VAV3: variants seen among roughly 807,000 people sequenced by gnomAD.
VAV3 encodes the protein guanine nucleotide exchange factor VAV3.
A neutral mutation model predicts 131.2 loss-of-function variants in VAV3; 94 were observed. The observed-to-expected ratio is 0.72, with a 90% CI of 0.61 to 0.85. VAV3 has a LOEUF of 0.85. Ranked by LOEUF, VAV3 falls within the 40% of genes least tolerant of loss-of-function variation. The pLI, the probability that VAV3 is intolerant of heterozygous loss-of-function variation, is 0.00. For synonymous variants in VAV3, 349 were observed against 342.0 expected, an observed-to-expected ratio of 1.02 and a Z score of -0.22; for missense variants, 939 against 1,002.7, an observed-to-expected ratio of 0.94 and a Z score of 0.86.
chr1:107,897,417 G>A (rs1557909571), intron 1 of VAV3: 1 of 151,736 alleles, frequency 6.6e-6, no homozygotes, highest in Non-Finnish European at 1.5e-5. Context: ...AAGAAGAGGT[G>A]AGTATCAGGA....
In VAV3 at chr1:107,768,457, A is replaced by G; in HGVS notation, c.701T>C (p.Val234Ala). The change falls in exon 7 of 27, where the codon GTA becomes GCA. Residue 234 changes from valine (V) to alanine (A), a missense_variant. Transcript: ENST00000370056. ...RFLTAAEFDS[V>A]FINIPELVKL... ...TTTACTCACAGGAATGTTGATGAAT[A>G]CTGAATCAAATTCTGCTGCTGTCAG... 6.2e-7 allele frequency: 1 copy of G among 1,612,324 alleles called. No individual in the cohort carries two copies. Among genetic ancestry groups the G allele is most frequent in the Non-Finnish European group, 8.5e-7 (1 of 1,179,186 alleles).
At chr1:107,613,878 A>G (rs2101183565) in intron 21 of VAV3, among the ~76,000 whole-genome samples, 1 of 152,220 alleles carries the variant, frequency 6.6e-6, no homozygotes, top group South Asian at 2.1e-4. Flanking sequence ...TTTATTTGAG[A>G]CGGAGTCTCG....
rs143605199 is a variant in VAV3 at position 107,930,160 on chromosome 1, T to G, written c.204+34506A>C. ...ACTGTAGTAAAAAATAATTGTACAT[T>G]TAATAACTAAAAGAGTATAACTGGA... is the stretch of plus-strand genomic sequence containing the variant. On this transcript the variant is annotated intron_variant, in intron 1 of 26. Coordinates refer to ENST00000370056, the MANE Select transcript of VAV3 (RefSeq NM_006113.5). 6.8e-3 allele frequency among the ~76,000 whole-genome samples: 1,040 copies of G among 152,206 alleles called. 11 individuals carry two copies. The highest frequency in any genetic ancestry group is 8.5e-3 in the Non-Finnish European group (576 of 68,002).
Position 107,932,595 on chromosome 1 carries a change from T to TTCCCA in VAV3, c.204+32070_204+32071insTGGGA. On this transcript the variant is annotated intron_variant, in intron 1 of 26. Transcript: ENST00000370056. ...ACCCTGGAACCAATGAATAATACTT[T>TTCCCA]ATTATGGTAAAAGGGATTTTGCAGA... is the stretch of plus-strand genomic sequence containing the variant. Among the ~76,000 whole-genome samples, 2 of 152,214 alleles carry TTCCCA rather than the reference T, an allele frequency of 1.3e-5. 1 individual carries two copies. The highest frequency in any genetic ancestry group is 1.3e-4 in the Admixed American group (2 of 15,282).
intron 2 of VAV3, among the ~76,000 whole-genome samples, chr1:107,812,922 G>T (rs1269120968): frequency 1.3e-5 from 2 of 152,104 alleles, no homozygotes; most frequent in African/African-American, 4.8e-5. Flanking sequence ...AGGAGATTGA[G>T]ATCACCCTGG....
chr1:107,882,026 C>T (rs909714033), intron 1 of VAV3, among the ~76,000 whole-genome samples: 1 of 151,356 alleles, frequency 6.6e-6, no homozygotes, highest in African/African-American at 2.4e-5. Context: ...AACAGGATGG[C>T]TTCCCTTTTT....
chr1:107,775,760 A>G (rs1264451869), intron 4 of VAV3, among the ~76,000 whole-genome samples: 1 of 152,102 alleles, frequency 6.6e-6, no homozygotes, highest in African/African-American at 2.4e-5. Context: ...ATTTTAAGAG[A>G]TAAGAAACTA....
intron 1 of VAV3, among the ~76,000 whole-genome samples, chr1:107,941,014 C>T (rs1051113788): frequency 6.6e-6 from 1 of 151,100 alleles, no homozygotes; most frequent in Non-Finnish European, 1.5e-5. Flanking sequence ...AAACCCTCAA[C>T]TAGAAGAAAT....
At chr1:107,721,543 C>T (rs1661501435) in intron 15 of VAV3, among the ~76,000 whole-genome samples, 1 of 152,106 alleles carries the variant, frequency 6.6e-6, no homozygotes, top group Non-Finnish European at 1.5e-5. Flanking sequence ...GTAGAGGCAG[C>T]AGAGAAACAC....
intron 9 of VAV3, among the ~76,000 whole-genome samples, chr1:107,761,403 A>G (rs1214006301): frequency 2.6e-5 from 4 of 151,836 alleles, no homozygotes; most frequent in African/African-American, 7.3e-5. Flanking sequence ...AAAAAAAAAA[A>G]AAAAAAGAAA....
chr1:107,781,869 C>G (rs957397234), intron 2 of VAV3, among the ~76,000 whole-genome samples: 1 of 152,028 alleles, frequency 6.6e-6, no homozygotes, highest in African/African-American at 2.4e-5. Context: ...CTCAGAAGAT[C>G]AAGAATGAAC....
intron 20 of VAV3, among the ~76,000 whole-genome samples, chr1:107,623,313 A>T (rs1434155381): frequency 6.6e-6 from 1 of 152,194 alleles, no homozygotes; most frequent in East Asian, 1.9e-4. Context: ...TACTTTGCAA[A>T]TGCTAAATAC....
intron 1 of VAV3, among the ~76,000 whole-genome samples, chr1:107,942,382 A>T (rs1181820392): frequency 6.6e-6 from 1 of 152,190 alleles, no homozygotes; most frequent in Non-Finnish European, 1.5e-5. Flanking sequence ...GACCATATCC[A>T]GCCCTTGGCC....
intron 19 of VAV3, among the ~76,000 whole-genome samples, chr1:107,681,345 T>TAGAC (rs377746457): frequency 0.014 from 2,182 of 152,288 alleles, 56 homozygotes; most frequent in African/African-American, 0.05. Flanking sequence ...ATCCCTTGTT[T>TAGAC]AAACATTTTG....
At chr1:107,751,054 A>C (rs1663689997) in intron 13 of VAV3, 63 bp downstream of exon 13, 2 of 1,497,498 alleles carry the variant, frequency 1.3e-6, no homozygotes, top group Non-Finnish European at 9.2e-7. Flanking sequence ...AATTGTCTTT[A>C]AGGTTTTCTC....
chr1:107,884,644 C>A (rs1366353563), intron 1 of VAV3, among the ~76,000 whole-genome samples: 1 of 151,552 alleles, frequency 6.6e-6, no homozygotes, highest in African/African-American at 2.4e-5. Flanking sequence ...GAGATGAGGT[C>A]TCACTATGTT....
At chr1:107,814,017 T>TAC (rs986617679) in intron 2 of VAV3, among the ~76,000 whole-genome samples, 1 of 148,302 alleles carries the variant, frequency 6.7e-6, no homozygotes, top group Admixed American at 6.8e-5. Flanking sequence ...TGTGTGTGTA[T>TAC]ACACACCATG....
At chr1:107,944,602 TTTTGTTTG>T (rs546614216) in intron 1 of VAV3, among the ~76,000 whole-genome samples, 1 of 152,016 alleles carries the variant, frequency 6.6e-6, no homozygotes, top group Non-Finnish European at 1.5e-5. Flanking sequence ...AAACGCAGTT[TTTTGTTTG>T]TTTGTTTGTT....
Position 107,964,905 on chromosome 1 carries a change from G to A in VAV3, c.-36C>T. On this transcript the variant is annotated 5_prime_UTR_variant, in exon 1 of 27. Coordinates refer to ENST00000370056, the MANE Select transcript of VAV3 (RefSeq NM_006113.5). ...TCCGGGACGCGGCTGGGCCGGGGCG[G>A]GCGGCAAGGATGCGGCCGCCGCCGC... The A allele has an allele frequency of 7.6e-7, 1 of 1,316,194 alleles. No homozygotes were observed. 81.5% of individuals were successfully genotyped at this position (1,316,194 alleles called of 1,614,324 possible).
Sources: allele counts gnomAD v4.1 joint callset (sites outside exome capture counted in the v4.1 genomes callset), GRCh38; gene constraint gnomAD v4.1.1; transcripts MANE v1.5; gene names NCBI Gene and HGNC (gene_info 2026-07-23, HGNC 2026-07-21).